NECAB3: variants seen among roughly 807,000 people sequenced by gnomAD.
The protein encoded by NECAB3 is N-terminal EF-hand calcium-binding protein 3.
A neutral mutation model predicts 57.2 loss-of-function variants in NECAB3; 38 were observed. The observed-to-expected ratio is 0.66, with a 90% CI of 0.51 to 0.87. The LOEUF (loss-of-function observed/expected upper bound fraction) is 0.87, where lower values mean the gene tolerates loss of function less well. Ranked by LOEUF, NECAB3 falls within the 40% of genes least tolerant of loss-of-function variation. The pLI is 0.00. For synonymous variants in NECAB3, 223 were observed against 222.6 expected, an observed-to-expected ratio of 1.00 and a Z score of -0.02; for missense variants, 474 against 527.5, an observed-to-expected ratio of 0.90 and a Z score of 0.99.
chr20:33,659,688 G>T lies in NECAB3; in HGVS notation c.688C>A (p.Arg230Ser). Residue 230 changes from arginine (R) to serine (S), a missense_variant, in exon 8 of 12, where the codon CGC becomes AGC. By Grantham distance (110) the Arg-to-Ser change is moderately radical (BLOSUM62 -1). Transcript: ENST00000246190. ...AGCTGGTCGATGAGCTCCTGGAGGC[G>T]GTTCACCTGGAGCCGCCACTGCATC... ...AEMQWRLQVN[R>S]LQELIDQLEC... The T allele has an allele frequency of 1.2e-6, 2 of 1,607,838 alleles. No homozygotes were observed. Among genetic ancestry groups the T allele is most frequent in the Non-Finnish European group, 1.7e-6 (2 of 1,178,676 alleles).
At chr20:33,674,452 A>G (rs1004776895), upstream of NECAB3, 5 of 989,536 alleles carry the variant, frequency 5.1e-6, no homozygotes, top group South Asian at 4.7e-5. Flanking sequence ...GCCGGCGCCG[A>G]CGCGCGGGCT....
At chr20:33,674,983 C>G (rs3213185), upstream of NECAB3, among the ~76,000 whole-genome samples, 6,073 of 152,064 alleles carry the variant, frequency 0.04, 169 homozygotes, top group Middle Eastern at 0.065. Flanking sequence ...GGAGGTGTCA[C>G]TTCGGTCTCC....
intron 5 of NECAB3, chr20:33,664,132 A>G (rs1251346761): frequency 1.8e-5 from 8 of 439,736 alleles, no homozygotes; most frequent in Non-Finnish European, 3.2e-5. Context: ...TTCCCCCAAC[A>G]CTCCAAATCC....
Position 33,672,524 on chromosome 20 carries a change from C to A in NECAB3, c.130-102G>T, listed in dbSNP as rs1555858905. 3.6e-5 allele frequency: 49 copies of A among 1,368,562 alleles called. 1 individual carries two copies. The South Asian group carries it at 5.0e-4, about 14-fold the overall frequency. 84.8% of individuals were successfully genotyped at this position (1,368,562 alleles called of 1,614,324 possible). A position where few individuals can be genotyped will look rare whatever the true frequency, so the allele number is the denominator to read the frequency against. On this transcript the variant is annotated intron_variant, in intron 1 of 11. Transcript: ENST00000246190. The stretch of plus-strand genomic sequence containing the variant: ...TCCCAGCTGGCCGACCTACCCCCTG[C>A]CTCGCCTTTCCTCCCGCCCAGCCTG...
intron 5 of NECAB3, chr20:33,667,335 G>C: frequency 1.1e-6 from 1 of 923,172 alleles, no homozygotes; most frequent in Non-Finnish European, 1.5e-6. Flanking sequence ...TGGCGGACTG[G>C]GAGGCGCTGG....
intron 1 of NECAB3, 127 bp downstream of exon 1, chr20:33,674,096 GA>G: frequency 9.7e-7 from 1 of 1,034,640 alleles, no homozygotes; most frequent in Non-Finnish European, 1.2e-6. Context: ...AAGGTCAAGA[GA>G]AAACAGCAGG....
At chr20:33,672,480 C>G in intron 1 of NECAB3, 58 bp from the exon 2 acceptor site, 1 of 1,605,028 alleles carries the variant, frequency 6.2e-7, no homozygotes, top group South Asian at 1.1e-5. Flanking sequence ...GCCAGAGGCC[C>G]CCACTCAACC....
upstream of NECAB3, chr20:33,674,482 GC>G (rs1347915712): frequency 6.0e-6 from 5 of 833,742 alleles, no homozygotes; most frequent in East Asian, 5.7e-4. Context: ...CCCCCGCCCC[GC>G]CCCCGCGGAC....
chr20:33,660,174 GGA>G lies in NECAB3; in HGVS notation c.524+83_524+84del. 6.4e-7 allele frequency: 1 copy of G among 1,562,312 alleles called. No homozygotes were observed. Among genetic ancestry groups the G allele is most frequent in the Non-Finnish European group, 8.7e-7 (1 of 1,151,830 alleles). On this transcript the variant is annotated intron_variant, in intron 6 of 11. Coordinates refer to ENST00000246190, the MANE Select transcript of NECAB3 (RefSeq NM_031232.4). This position sits in a 1 kb window ranked among gnomAD's most constrained non-coding sequence, Gnocchi z 4.1. ...TCCCCGCCCGAAAATGCAGGCTCCA[GGA>G]TGCTGGGACTGTGGGGATTTGGAAT...
intron 5 of NECAB3, chr20:33,667,265 C>T (rs1036408152): frequency 6.9e-5 from 31 of 448,064 alleles, no homozygotes; most frequent in Middle Eastern, 1.1e-3. Flanking sequence ...CTGCCCGGAG[C>T]GCCGGGCTGC....
At chr20:33,672,609 G>A (rs1051411666) in intron 1 of NECAB3, among the ~76,000 whole-genome samples, 187 bp from the exon 2 acceptor site, 3 of 152,190 alleles carry the variant, frequency 2.0e-5, no homozygotes, top group South Asian at 2.1e-4. Context: ...CGGGGCACAG[G>A]AAGAGCACGC....
intron 8 of NECAB3, 66 bp downstream of exon 8, chr20:33,659,431 G>T: frequency 7.4e-7 from 1 of 1,359,464 alleles, no homozygotes. Context: ...CCGGCCCCAT[G>T]AATCCCCAAT....
Position 33,657,664 on chromosome 20 carries a change from T to C in NECAB3, c.*165A>G. Reference sequence around the variant, plus strand: ...CAGGGATAAATAAATCAATAATAAATAGAAAGCAAGCAGCCCAGTCCCTGA... The same window carrying C: ...CAGGGATAAATAAATCAATAATAAACAGAAAGCAAGCAGCCCAGTCCCTGA... On this transcript the variant is annotated 3_prime_UTR_variant, in exon 12 of 12. Transcript: ENST00000246190. The C allele has an allele frequency of 1.6e-6, 1 of 622,922 alleles. No homozygotes were observed. Among genetic ancestry groups the C allele is most frequent in the Non-Finnish European group, 2.7e-6 (1 of 375,960 alleles). 38.6% of individuals were successfully genotyped at this position (622,922 alleles called of 1,614,324 possible).
rs2017327674 is a variant in NECAB3 at position 33,657,693 on chromosome 20, C to T, written c.*136G>A. ...AAGCAAGCAGCCCAGTCCCTGATCC[C>T]TGGGCTGAGAGCCCTTCCACCAGGC... is the stretch of plus-strand genomic sequence containing the variant. On this transcript the variant is annotated 3_prime_UTR_variant, in exon 12 of 12. Coordinates refer to ENST00000246190, the MANE Select transcript of NECAB3 (RefSeq NM_031232.4). 4.7e-6 allele frequency: 4 copies of T among 848,822 alleles called. No homozygotes were observed. Among genetic ancestry groups the T allele is most frequent in the Non-Finnish European group, 7.1e-6 (4 of 562,118 alleles). 52.6% of individuals were successfully genotyped at this position (848,822 alleles called of 1,614,324 possible). A position where few individuals can be genotyped will look rare whatever the true frequency, so the allele number is the denominator to read the frequency against.
rs1220110263 is a variant in NECAB3 at position 33,670,884 on chromosome 20, T to G, written c.155-92A>C. On this transcript the variant is annotated intron_variant, in intron 2 of 11. Transcript: ENST00000246190. The stretch of plus-strand genomic sequence containing the variant: ...CAGGTCCAGGGTCCCAAAGGCCTCA[T>G]AGCATCTGACAACCATCTAGCTAGG... 4.7e-6 allele frequency: 4 copies of G among 843,708 alleles called. No individual in the cohort carries two copies. In the Admixed American group the frequency reaches 9.2e-5, roughly 19 times the overall value. The allele number at this position is 843,708 out of a possible 1,614,324, so 52.3% of individuals were successfully genotyped here.
chr20:33,668,878 T>C (rs2017762123), intron 5 of NECAB3, among the ~76,000 whole-genome samples: 1 of 152,260 alleles, frequency 6.6e-6, no homozygotes, highest in Admixed American at 6.5e-5. Flanking sequence ...CTATCAGCAC[T>C]GTTCGAGCTT....
chr20:33,669,145 C>T (rs561089117), intron 5 of NECAB3: 27 of 548,744 alleles, frequency 4.9e-5, no homozygotes, highest in South Asian at 1.9e-4. Flanking sequence ...TCCCTGCCTT[C>T]GTTCTCACTG....
chr20:33,659,384 G>T, intron 8 of NECAB3, 113 bp downstream of exon 8: 1 of 900,092 alleles, frequency 1.1e-6, no homozygotes, highest in Non-Finnish European at 1.6e-6. Context: ...AGGCCTGGGG[G>T]CGGGGCACAT....
chr20:33,668,098 G>A (rs1217779775), intron 5 of NECAB3: 1 of 1,603,562 alleles, frequency 6.2e-7, no homozygotes, highest in East Asian at 2.3e-5. Flanking sequence ...CCACCTGGTG[G>A]CCAAGCATGG....
Sources: allele counts gnomAD v4.1 joint callset (sites outside exome capture counted in the v4.1 genomes callset), GRCh38; gene constraint gnomAD v4.1.1; non-coding constraint Gnocchi (gnomAD v3.1); transcripts MANE v1.5; gene names NCBI Gene and HGNC (gene_info 2026-07-23, HGNC 2026-07-21).